Variants in FAM216B observed in about 807,000 individuals in gnomAD.
FAM216B encodes the protein family with sequence similarity 216 member B, also known as protein FAM216B.
A neutral mutation model predicts 12.9 loss-of-function variants in FAM216B; 11 were observed. The ratio of observed to expected loss-of-function variants is 0.86; its 90% CI spans 0.54 to 1.42. The LOEUF (loss-of-function observed/expected upper bound fraction) is 1.42. FAM216B is among the 40% of genes most tolerant of loss of function. The probability of loss-of-function intolerance (pLI) is 0.00; values close to 1 mark genes in which losing one functional copy is unlikely to be tolerated. For synonymous variants in FAM216B, 52 were observed against 57.2 expected, an observed-to-expected ratio of 0.91 and a Z score of 0.41; for missense variants, 167 against 162.9, an observed-to-expected ratio of 1.02 and a Z score of -0.14.
rs546755156 is a variant in FAM216B at position 42,788,986 on chromosome 13, C to T, written c.*196C>T. 3 of 488,120 alleles carry T rather than the reference C, an allele frequency of 6.1e-6. No individual in the cohort carries two copies. Among genetic ancestry groups the T allele is most frequent in the African/African-American group, 3.8e-5 (2 of 52,056 alleles). 30.2% of individuals were successfully genotyped at this position (488,120 alleles called of 1,614,324 possible). On this transcript the variant is annotated 3_prime_UTR_variant, in exon 4 of 4. Coordinates refer to ENST00000313851, the MANE Select transcript of FAM216B (RefSeq NM_001318932.2). Reference sequence around the variant, plus strand: ...AGCAATGGAGCCGAGAGTAAGCAAGCCTTTCCACATAACATCCGTAGAGTA... The same window carrying T: ...AGCAATGGAGCCGAGAGTAAGCAAGTCTTTCCACATAACATCCGTAGAGTA...
Position 42,784,309 on chromosome 13 carries a change from T to C in FAM216B, c.99+143T>C, listed in dbSNP as rs539672737. On this transcript the variant is annotated intron_variant, in intron 2 of 3. Transcript: ENST00000313851. ...CGCATAATAAGCCCTTGCTGCATGT[T>C]GAAGGCCATTCATGAGTGAACGAAT... 6.8e-6 allele frequency: 4 copies of C among 588,282 alleles called. No individual in the cohort carries two copies. In the Admixed American group the frequency reaches 9.6e-5, roughly 14 times the overall value. 36.4% of individuals were successfully genotyped at this position (588,282 alleles called of 1,614,324 possible).
chr13:42,787,687 T>A (rs1874143398), intron 3 of FAM216B, among the ~76,000 whole-genome samples: 1 of 152,248 alleles, frequency 6.6e-6, no homozygotes, highest in African/African-American at 2.4e-5. Flanking sequence ...TCTACTCACT[T>A]GGCTTTAGCA....
intron 2 of FAM216B, among the ~76,000 whole-genome samples, chr13:42,785,669 G>A (rs1159454567): frequency 6.6e-6 from 1 of 152,196 alleles, no homozygotes; most frequent in Non-Finnish European, 1.5e-5. Context: ...AATAGTAATT[G>A]AAATCCTGAC....
intron 2 of FAM216B, among the ~76,000 whole-genome samples, chr13:42,784,791 G>A (rs1874017165): frequency 6.6e-6 from 1 of 151,094 alleles, no homozygotes; most frequent in South Asian, 2.1e-4. Context: ...CCGAGATCGC[G>A]CCACTGCACT....
intron 1 of FAM216B, among the ~76,000 whole-genome samples, chr13:42,782,548 C>T (rs750372814): frequency 6.6e-6 from 1 of 152,192 alleles, no homozygotes; most frequent in Admixed American, 6.5e-5. Flanking sequence ...GTTTGATTTG[C>T]TGTGGTCTTA....
intron 2 of FAM216B, among the ~76,000 whole-genome samples, chr13:42,785,366 C>T (rs953827437): frequency 1.3e-5 from 2 of 152,186 alleles, no homozygotes; most frequent in Non-Finnish European, 2.9e-5. Flanking sequence ...TAAAAGTCAC[C>T]TTACTCTACC....
At chr13:42,786,563 A>G (rs1874095559) in intron 2 of FAM216B, among the ~76,000 whole-genome samples, 200 bp from the exon 3 acceptor site, 1 of 152,114 alleles carries the variant, frequency 6.6e-6, no homozygotes, top group Admixed American at 6.6e-5. Context: ...ATCATCATAC[A>G]GATTAGCAGA....
At chr13:42,787,798 G>T (rs1430194844) in intron 3 of FAM216B, among the ~76,000 whole-genome samples, 1 of 152,180 alleles carries the variant, frequency 6.6e-6, no homozygotes, top group Admixed American at 6.5e-5. Context: ...TTTTATTGAG[G>T]ACTTCCTGTG....
At chr13:42,784,515 G>A (rs924307789) in intron 2 of FAM216B, among the ~76,000 whole-genome samples, 4 of 151,596 alleles carry the variant, frequency 2.6e-5, no homozygotes, top group Non-Finnish European at 4.4e-5. Context: ...TCATAAATAC[G>A]CTGTAAAAAT....
At chr13:42,786,651 T>G in intron 2 of FAM216B, 112 bp from the exon 3 acceptor site, 2 of 1,172,488 alleles carry the variant, frequency 1.7e-6, no homozygotes, top group Non-Finnish European at 2.3e-6. Flanking sequence ...AAAAAAAACA[T>G]ATGGTTAGCA....
At chr13:42,787,574 A>G (rs986312219) in intron 3 of FAM216B, among the ~76,000 whole-genome samples, 1 of 152,208 alleles carries the variant, frequency 6.6e-6, no homozygotes, top group Admixed American at 6.5e-5. Context: ...CCGAAAGGCT[A>G]ATTGTTGTAA....
intron 2 of FAM216B, among the ~76,000 whole-genome samples, 187 bp downstream of exon 2, chr13:42,784,353 C>T (rs899107637): frequency 6.6e-6 from 1 of 151,922 alleles, no homozygotes; most frequent in Non-Finnish European, 1.5e-5. Context: ...GGGTAACCTC[C>T]TACACTCGTC....
At chr13:42,785,305 A>T (rs901073345) in intron 2 of FAM216B, among the ~76,000 whole-genome samples, 20 of 152,208 alleles carry the variant, frequency 1.3e-4, no homozygotes, top group Non-Finnish European at 2.5e-4. Flanking sequence ...ACCAAAAACA[A>T]AACAAAACAC....
chr13:42,788,712 A>C lies in FAM216B; in HGVS notation c.342A>C (p.Arg114Ser), dbSNP rs779910235. The C allele has an allele frequency of 3.1e-6, 5 of 1,613,848 alleles. No homozygotes were observed. The African/African-American group carries it at 6.7e-5, about 22-fold the overall frequency. ...TIPRKTSAMTRRCPSVLPVSV... is the reference protein window; with the variant it reads ...TIPRKTSAMTSRCPSVLPVSV... ...CCCGGAAAACTTCAGCCATGACAAG[A>C]AGATGTCCATCAGTACTACCTGTAT... The change falls in exon 4 of 4, where the codon AGA becomes AGC. Residue 114 changes from arginine (R) to serine (S), a missense_variant. Physicochemically the swap from Arg to Ser is moderately radical, Grantham distance 110 (BLOSUM62 -1). Transcript: ENST00000313851.
At position 42,788,449 on chromosome 13, in the gene FAM216B, C is replaced by A. The variant is rs376830481; in HGVS notation, c.221-142C>A. 766 of 575,248 alleles carry A rather than the reference C, an allele frequency of 1.3e-3. 13 individuals are homozygous for A. In the South Asian group the frequency reaches 0.017, roughly 13 times the overall value. 35.6% of individuals were successfully genotyped at this position (575,248 alleles called of 1,614,324 possible). ...AAAAGAAGAAAAATATATTTCCAAT[C>A]TTCAAAGATCATATAATCTGGGCAT... On this transcript the variant is annotated intron_variant, in intron 3 of 3. Coordinates refer to ENST00000313851, the MANE Select transcript of FAM216B (RefSeq NM_001318932.2).
rs758021097 is a variant in FAM216B, at chr13:42,784,172, G to GTTTTTTT, written c.99+6_99+7insTTTTTTT. 1.9e-5 allele frequency: 15 copies of GTTTTTTT among 809,046 alleles called. No individual in the cohort carries two copies. Among genetic ancestry groups the GTTTTTTT allele is most frequent in the South Asian group, 1.1e-4 (5 of 46,338 alleles). 50.1% of individuals were successfully genotyped at this position (809,046 alleles called of 1,614,324 possible). Reference sequence around the variant, plus strand: ...ATGACACTTCCTTACTAAAGGTATGGCTTTTTTTTTTTTTTTTTTTTCACA... The same window carrying GTTTTTTT: ...ATGACACTTCCTTACTAAAGGTATGGTTTTTTTCTTTTTTTTTTTTTTTTTTTTCACA... On this transcript the variant is annotated splice_region_variant and intron_variant, in intron 2 of 3. Transcript: ENST00000313851.
chr13:42,783,886 T>C (rs1326067033), intron 1 of FAM216B, among the ~76,000 whole-genome samples, 168 bp from the exon 2 acceptor site: 1 of 152,122 alleles, frequency 6.6e-6, no homozygotes, highest in Non-Finnish European at 1.5e-5. Context: ...TGGAATTAAG[T>C]AGTCTGGTGA....
At chr13:42,784,236 G>A in intron 2 of FAM216B, 70 bp downstream of exon 2, 1 of 1,070,062 alleles carries the variant, frequency 9.3e-7, no homozygotes, top group Admixed American at 2.6e-5. Context: ...AAGGTTTGAG[G>A]ACTTTTTCTG....
At chr13:42,788,455 AG>A (rs1228446418) in intron 3 of FAM216B, 135 bp from the exon 4 acceptor site, 16 of 603,484 alleles carry the variant, frequency 2.7e-5, no homozygotes, top group Non-Finnish European at 4.2e-5. Flanking sequence ...CAATCTTCAA[AG>A]ATCATATAAT....
Sources: gnomAD v4.1 joint callset for allele counts (sites outside exome capture counted in the v4.1 genomes callset) on GRCh38, gnomAD v4.1.1 for gene constraint, MANE v1.5 for transcripts, NCBI Gene and HGNC (gene_info 2026-07-23, HGNC 2026-07-21) for gene names.